The following GPC5 variants were observed in gnomAD, a reference collection of about 807,000 sequenced individuals.
The protein encoded by GPC5 is glypican 5.
A neutral mutation model predicts 53.9 loss-of-function variants in GPC5; 47 were observed. The ratio of observed to expected loss-of-function variants is 0.87; its 90% CI spans 0.69 to 1.11. GPC5 has a LOEUF of 1.11. Ranked by LOEUF, GPC5 falls within the 50% of genes most tolerant of loss-of-function variation. The pLI is 0.00. For synonymous variants in GPC5, 286 were observed against 263.3 expected (o/e 1.09, Z -0.84); for missense variants, 748 against 713.1 (o/e 1.05, Z -0.56).
At chr13:91,933,865 A>T (rs571193121) in intron 6 of GPC5, among the ~76,000 whole-genome samples, 2 of 152,052 alleles carry the variant, frequency 1.3e-5, no homozygotes, top group East Asian at 1.9e-4. Flanking sequence ...ATACATGTTA[A>T]TTTAAACTTG....
intron 2 of GPC5, among the ~76,000 whole-genome samples, chr13:91,627,707 TCTA>T (rs1455619085): frequency 6.6e-6 from 1 of 152,118 alleles, no homozygotes; most frequent in Non-Finnish European, 1.5e-5. Context: ...ATAAAGTTTG[TCTA>T]CTTGGACTCA....
At chr13:91,979,950 G>C (rs1285778958) in intron 6 of GPC5, among the ~76,000 whole-genome samples, 1 of 152,198 alleles carries the variant, frequency 6.6e-6, no homozygotes, top group African/African-American at 2.4e-5. Flanking sequence ...CTACTTTCAA[G>C]AGACACCTCC....
chr13:92,616,227 C>A (rs963238285), intron 7 of GPC5, among the ~76,000 whole-genome samples: 7 of 152,118 alleles, frequency 4.6e-5, no homozygotes, highest in Non-Finnish European at 7.3e-5. Flanking sequence ...CTCAAGAAGA[C>A]TTAATATGTT....
intron 7 of GPC5, among the ~76,000 whole-genome samples, chr13:92,184,955 G>T (rs2042173761): frequency 2.0e-5 from 3 of 152,130 alleles, no homozygotes; most frequent in Non-Finnish European, 2.9e-5. Context: ...TAAGTAATTT[G>T]CTGAAAAGGT....
chr13:91,911,155 G>A (rs1389036688), intron 6 of GPC5, among the ~76,000 whole-genome samples: 5 of 152,150 alleles, frequency 3.3e-5, no homozygotes. Flanking sequence ...GTTAAAGGGA[G>A]GAGATAAACA....
rs1482271607 is a variant in GPC5, at chr13:91,821,022, T to G, written c.1280+64602T>G. ...AAGAATGTACTTCCAGATAAATTTTTAAATTATGTTGTCAAATTATATGAA... is the reference window on the plus strand; with the variant it reads ...AAGAATGTACTTCCAGATAAATTTTGAAATTATGTTGTCAAATTATATGAA... On this transcript the variant is annotated intron_variant, in intron 5 of 7. Coordinates refer to ENST00000377067, the MANE Select transcript of GPC5 (RefSeq NM_004466.6). 9.9e-5 allele frequency among the ~76,000 whole-genome samples: 15 copies of G among 152,228 alleles called. No individual in the cohort carries two copies. The East Asian group carries it at 2.9e-3, about 29-fold the overall frequency.
chr13:92,225,076 C>G (rs1191537359), intron 7 of GPC5, among the ~76,000 whole-genome samples: 1 of 141,076 alleles, frequency 7.1e-6, no homozygotes, highest in Non-Finnish European at 1.5e-5. Flanking sequence ...TAGCCCCATA[C>G]CACCTGTTGC....
Position 92,579,369 on chromosome 13 carries a change from T to C in GPC5, c.1562-286913T>C, listed in dbSNP as rs371930284. ...TCATTACCCTTCCCAACTGATGTAG[T>C]AGTAGTCTTGATGAATAGAGTTGGT... On this transcript the variant is annotated intron_variant, in intron 7 of 7. Transcript: ENST00000377067. 2.1e-3 allele frequency among the ~76,000 whole-genome samples: 314 copies of C among 147,978 alleles called. 2 individuals are homozygous for C. The highest frequency in any genetic ancestry group is 7.5e-3 in the African/African-American group (301 of 40,150).
At chr13:91,865,380 T>A (rs1011213542) in intron 5 of GPC5, among the ~76,000 whole-genome samples, 2 of 152,078 alleles carry the variant, frequency 1.3e-5, no homozygotes, top group Non-Finnish European at 2.9e-5. Context: ...TTAAAAATAA[T>A]AATAATAAAT....
intron 1 of GPC5, among the ~76,000 whole-genome samples, chr13:91,411,721 A>C (rs573675405): frequency 6.6e-6 from 1 of 152,198 alleles, no homozygotes. Context: ...GGAATATTGC[A>C]TGATCCTTAT....
At chr13:92,244,220 T>C (rs2042634093) in intron 7 of GPC5, among the ~76,000 whole-genome samples, 2 of 152,210 alleles carry the variant, frequency 1.3e-5, no homozygotes, top group Non-Finnish European at 2.9e-5. Context: ...AAGAAACAAT[T>C]TGTGTAGATG....
chr13:92,721,969 T>C (rs998218638), intron 7 of GPC5, among the ~76,000 whole-genome samples: 1 of 152,060 alleles, frequency 6.6e-6, no homozygotes, highest in Non-Finnish European at 1.5e-5. Context: ...TAGCTGAATC[T>C]TTGATTAGAA....
At chr13:91,550,054 T>C (rs2030533940) in intron 2 of GPC5, among the ~76,000 whole-genome samples, 1 of 152,146 alleles carries the variant, frequency 6.6e-6, no homozygotes, top group Non-Finnish European at 1.5e-5. Context: ...TGGAATATTA[T>C]TCAGTGCTAA....
intron 7 of GPC5, among the ~76,000 whole-genome samples, chr13:92,356,203 A>T (rs1229657240): frequency 6.6e-6 from 1 of 152,170 alleles, no homozygotes; most frequent in East Asian, 1.9e-4. Context: ...GAGAACACAC[A>T]CACTTAGTCC....
intron 7 of GPC5, among the ~76,000 whole-genome samples, chr13:92,803,570 A>G (rs1876986371): frequency 6.6e-6 from 1 of 151,882 alleles, no homozygotes; most frequent in Non-Finnish European, 1.5e-5. Flanking sequence ...CGAAATAATT[A>G]TTTATCACCT....
At chr13:92,155,400 CA>C (rs750664460) in intron 7 of GPC5, among the ~76,000 whole-genome samples, 28 of 152,062 alleles carry the variant, frequency 1.8e-4, no homozygotes, top group Middle Eastern at 3.2e-3. Context: ...TAAAGTACAG[CA>C]ATTTTACTAG....
Position 92,212,833 on chromosome 13 carries a change from T to C in GPC5, c.1561+67844T>C, listed in dbSNP as rs1028708962. Among the ~76,000 whole-genome samples, 25 of 152,288 alleles carry C rather than the reference T, an allele frequency of 1.6e-4. No homozygotes were observed. In the East Asian group the frequency reaches 4.1e-3, roughly 25 times the overall value. ...GCAGAGTAGGGGACTCCACACCCTA[T>C]GCTGTTGCCAATGTCTATTCCAATT... On this transcript the variant is annotated intron_variant, in intron 7 of 7. Transcript: ENST00000377067.
At chr13:91,705,787 T>A (rs940763673) in intron 3 of GPC5, among the ~76,000 whole-genome samples, 1 of 150,180 alleles carries the variant, frequency 6.7e-6, no homozygotes, top group African/African-American at 2.5e-5. Context: ...CTGAAAAGAA[T>A]GAAAAATATT....
chr13:92,310,429 C>G (rs570927867), intron 7 of GPC5, among the ~76,000 whole-genome samples: 10 of 152,266 alleles, frequency 6.6e-5, no homozygotes, highest in Admixed American at 1.3e-4. Context: ...TCCACCAATA[C>G]TGCAACATAG....
Sources: allele counts gnomAD v4.1 joint callset (sites outside exome capture counted in the v4.1 genomes callset), GRCh38; gene constraint gnomAD v4.1.1; transcripts MANE v1.5; gene names NCBI Gene and HGNC (gene_info 2026-07-23, HGNC 2026-07-21).